The following KIF13A variants were observed in gnomAD, a reference collection of about 807,000 sequenced individuals.
The protein encoded by KIF13A is kinesin-like protein KIF13A.
In KIF13A, 79 loss-of-function variants were observed where a neutral mutation model predicts 212.2. The ratio of observed to expected loss-of-function variants is 0.37; its 90% CI spans 0.31 to 0.45. KIF13A has a LOEUF of 0.45. Ranked by LOEUF, KIF13A falls within the 20% of genes least tolerant of loss-of-function variation. The pLI, the probability that KIF13A is intolerant of heterozygous loss-of-function variation, is 1.00. For missense variants in KIF13A, 1,901 were observed against 2,209.0 expected (o/e 0.86, Z 2.79); for synonymous variants, 789 against 808.6 (o/e 0.98, Z 0.41).
In KIF13A at chr6:17,772,105, A is replaced by G; in HGVS notation, c.4325-46T>C. ...TGAGGTTACAGATGCTGAACACTTT[A>G]AGCAAAACATAGGAACTGAGACAAT... On this transcript the variant is annotated intron_variant, in intron 36 of 38. Transcript: ENST00000259711. This position sits in a 1 kb window ranked among gnomAD's most constrained non-coding sequence, Gnocchi z 4.8. 1.3e-6 allele frequency: 2 copies of G among 1,570,392 alleles called. No individual in the cohort carries two copies. The highest frequency in any genetic ancestry group is 1.7e-6 in the Non-Finnish European group (2 of 1,143,688).
Position 17,855,636 on chromosome 6 carries a change from AAAG to A in KIF13A, c.314-22_314-20del, listed in dbSNP as rs754578489. The A allele has an allele frequency of 4.9e-5, 78 of 1,583,122 alleles. No homozygotes were observed. The highest frequency in any genetic ancestry group is 3.0e-4 in the Admixed American group (16 of 52,976). On this transcript the variant is annotated intron_variant, in intron 5 of 38. Coordinates refer to ENST00000259711, the MANE Select transcript of KIF13A (RefSeq NM_022113.6). The surrounding 1 kb of genome is among the most constrained non-coding windows in gnomAD (Gnocchi z 4.1). ...CCCGAACCTGGAGAACAGCAAGGAA[AAAG>A]AAGAACAGGTAGAGGAGGGAGCAAA...
At chr6:17,852,428 T>C (rs1767741915) in intron 6 of KIF13A, among the ~76,000 whole-genome samples, 1 of 152,136 alleles carries the variant, frequency 6.6e-6, no homozygotes, top group Non-Finnish European at 1.5e-5. Flanking sequence ...TAAAATGGTA[T>C]TTATTTTTTG....
chr6:17,806,783 G>A (rs945840063), intron 18 of KIF13A, among the ~76,000 whole-genome samples: 21 of 152,188 alleles, frequency 1.4e-4, no homozygotes, highest in Admixed American at 2.0e-4. Flanking sequence ...GGAGGCTGAG[G>A]CAAGAGAATC....
At chr6:17,985,640 T>TGGGGG (rs1457148104) in intron 2 of KIF13A, among the ~76,000 whole-genome samples, 2 of 40,874 alleles carry the variant, frequency 4.9e-5, no homozygotes, top group Non-Finnish European at 8.4e-5. Flanking sequence ...TGCGGGGGGG[T>TGGGGG]GGGGGGAGGG....
intron 26 of KIF13A, among the ~76,000 whole-genome samples, chr6:17,788,166 G>A (rs571055606): frequency 4.1e-4 from 63 of 152,176 alleles, no homozygotes; most frequent in African/African-American, 1.4e-3. Flanking sequence ...TTTACAATGA[G>A]TGTATGTATA....
chr6:17,876,745 C>T (rs1184951063), intron 3 of KIF13A, among the ~76,000 whole-genome samples: 2 of 152,136 alleles, frequency 1.3e-5, no homozygotes, highest in African/African-American at 4.8e-5. Flanking sequence ...ATTGATCCTA[C>T]CTCCTCAGCC....
At chr6:17,958,803 C>T (rs1288050260) in intron 2 of KIF13A, among the ~76,000 whole-genome samples, 2 of 151,438 alleles carry the variant, frequency 1.3e-5, no homozygotes, top group Non-Finnish European at 1.5e-5. Context: ...TCATCTACTA[C>T]TTATTCAATA....
chr6:17,763,172 T>G (rs936350036), downstream of KIF13A, among the ~76,000 whole-genome samples: 1 of 152,186 alleles, frequency 6.6e-6, no homozygotes, highest in African/African-American at 2.4e-5. Context: ...CAAAAACTCA[T>G]TTTGTTCCCG....
intron 20 of KIF13A, among the ~76,000 whole-genome samples, chr6:17,802,324 T>C (rs1762531779): frequency 1.3e-5 from 2 of 150,886 alleles, no homozygotes. Context: ...GGAGTTTCGC[T>C]CTTGTTGCCC....
At chr6:17,924,173 T>A (rs1479250057) in intron 2 of KIF13A, among the ~76,000 whole-genome samples, 1 of 152,160 alleles carries the variant, frequency 6.6e-6, no homozygotes, top group Non-Finnish European at 1.5e-5. Context: ...GCAGAGATGA[T>A]ATTTCTAAGC....
At chr6:17,860,063 T>C (rs796302575) in intron 4 of KIF13A, among the ~76,000 whole-genome samples, 7 of 152,300 alleles carry the variant, frequency 4.6e-5, no homozygotes, top group African/African-American at 1.7e-4. Flanking sequence ...AGTGACTCCC[T>C]ACTGTCAAGG....
At position 17,971,448 on chromosome 6, in the gene KIF13A, G is replaced by A. The variant is rs1026551526; in HGVS notation, c.146+15606C>T. On this transcript the variant is annotated intron_variant, in intron 2 of 38. Coordinates refer to ENST00000259711, the MANE Select transcript of KIF13A (RefSeq NM_022113.6). This position sits in a 1 kb window ranked among gnomAD's most constrained non-coding sequence, Gnocchi z 4.2. ...TTTTTTCCTTTTTTTTTGACACAGGGTCTCACTCTGTCGCCCAGGCTGGAG... is the reference window on the plus strand; with the variant it reads ...TTTTTTCCTTTTTTTTTGACACAGGATCTCACTCTGTCGCCCAGGCTGGAG... Among the ~76,000 whole-genome samples, 4 of 151,706 alleles carry A rather than the reference G, an allele frequency of 2.6e-5. 1 individual carries two copies. Among genetic ancestry groups the A allele is most frequent in the Admixed American group, 2.6e-4 (4 of 15,230 alleles).
intron 25 of KIF13A, among the ~76,000 whole-genome samples, chr6:17,792,182 GAC>G (rs1761633637): frequency 9.1e-6 from 1 of 110,076 alleles, no homozygotes; most frequent in Non-Finnish European, 1.7e-5. Flanking sequence ...CAGCCTAGGG[GAC>G]AGAGTGAGAC....
In KIF13A at chr6:17,817,193, G is replaced by A; in HGVS notation, c.1827C>T (p.Tyr609=). Residue 609 remains tyrosine, a synonymous_variant, in exon 17 of 39, where the codon TAC becomes TAT. Transcript: ENST00000259711. ...CTAGGGCACTTCTCTTTTCTTCTAG[G>A]TATTGTTTCTCCAGGACCTGAACCA... The part of the protein sequence containing the change: ...QNVVQVLEKQ[Y]LEEKRSALEE... 6.2e-7 allele frequency: 1 copy of A among 1,614,044 alleles called. No homozygotes were observed. Among genetic ancestry groups the A allele is most frequent in the Non-Finnish European group, 8.5e-7 (1 of 1,179,900 alleles).
chr6:17,797,341 TTA>T (rs1262719821), intron 22 of KIF13A, among the ~76,000 whole-genome samples: 2 of 152,166 alleles, frequency 1.3e-5, no homozygotes, highest in African/African-American at 4.8e-5. Context: ...AACCCGTTTC[TTA>T]TATCAATAAA....
At position 17,838,707 on chromosome 6, in the gene KIF13A, A is replaced by G. The variant is rs537742894; in HGVS notation, c.831-1124T>C. 3.3e-5 allele frequency among the ~76,000 whole-genome samples: 5 copies of G among 152,354 alleles called. No individual in the cohort carries two copies. The East Asian group carries it at 5.8e-4, about 18-fold the overall frequency. On this transcript the variant is annotated intron_variant, in intron 9 of 38. Coordinates refer to ENST00000259711, the MANE Select transcript of KIF13A (RefSeq NM_022113.6). This position sits in a 1 kb window ranked among gnomAD's most constrained non-coding sequence, Gnocchi z 4.2. ...AAACAAATATTGCATGTCCTTACTC[A>G]TAAGTGGAAGCTAAATAACGTGTAC...
chr6:17,965,592 TCAAAA>T (rs1779230943), intron 2 of KIF13A, among the ~76,000 whole-genome samples: 2 of 152,214 alleles, frequency 1.3e-5, no homozygotes, highest in Non-Finnish European at 1.5e-5. Flanking sequence ...TACAAGTGAC[TCAAAA>T]CAAAGCAATT....
In KIF13A at chr6:17,794,113, G is replaced by T; in HGVS notation, c.3222+136C>A. On this transcript the variant is annotated intron_variant, in intron 25 of 38. Coordinates refer to ENST00000259711, the MANE Select transcript of KIF13A (RefSeq NM_022113.6). This position sits in a 1 kb window ranked among gnomAD's most constrained non-coding sequence, Gnocchi z 4.1. The stretch of plus-strand genomic sequence containing the variant: ...AAACAGATTTTAAAGCTAGAAAAAA[G>T]GCAATGGATGGAAATGTGAACTGGG... 1 of 606,696 alleles carries T rather than the reference G, an allele frequency of 1.6e-6. No homozygotes were observed. Among genetic ancestry groups the T allele is most frequent in the Non-Finnish European group, 2.8e-6 (1 of 353,794 alleles). 37.6% of individuals were successfully genotyped at this position (606,696 alleles called of 1,614,324 possible).
chr6:17,771,652 ATCTT>A lies in KIF13A; in HGVS notation c.4476+252_4476+255del, dbSNP rs773778021. On this transcript the variant is annotated intron_variant, in intron 37 of 38. Transcript: ENST00000259711. This position sits in a 1 kb window ranked among gnomAD's most constrained non-coding sequence, Gnocchi z 5.4. The stretch of plus-strand genomic sequence containing the variant: ...AATCTTTTCAAAACACCTAGAAAAC[ATCTT>A]TCTCACTTGAAACATAAAAAAATAC... 4.2e-5 allele frequency: 17 copies of A among 403,056 alleles called. No individual in the cohort carries two copies. The highest frequency in any genetic ancestry group is 5.7e-5 in the Non-Finnish European group (13 of 226,412). The allele number at this position is 403,056 out of a possible 1,614,324, so 25.0% of individuals were successfully genotyped here. A position where few individuals can be genotyped will look rare whatever the true frequency, so the allele number is the denominator to read the frequency against.
Sources: gnomAD v4.1 joint callset for allele counts (sites outside exome capture counted in the v4.1 genomes callset) on GRCh38, gnomAD v4.1.1 for gene constraint, Gnocchi (gnomAD v3.1) non-coding constraint, MANE v1.5 for transcripts, NCBI Gene and HGNC (gene_info 2026-07-23, HGNC 2026-07-21) for gene names.